PDGFA: variants seen among roughly 807,000 people sequenced by gnomAD.
PDGFA encodes the protein platelet-derived growth factor subunit A.
In PDGFA, 9 loss-of-function variants were observed where a neutral mutation model predicts 25.6. That is an observed-to-expected ratio of 0.35 (90% CI 0.21 to 0.61). The LOEUF (loss-of-function observed/expected upper bound fraction) is 0.61. Ranked by LOEUF, PDGFA falls within the 20% of genes least tolerant of loss-of-function variation. The pLI is 0.75. For synonymous variants in PDGFA, 133 were observed against 111.8 expected (o/e 1.19, Z -1.20); for missense variants, 242 against 272.8 (o/e 0.89, Z 0.79).
chr7:518,877 G>A, intron 1 of PDGFA, 62 bp downstream of exon 1: 3 of 1,174,982 alleles, frequency 2.6e-6, no homozygotes, highest in East Asian at 5.5e-5. Context: ...TGGCGCCCCA[G>A]CCGGCGGGGG....
Position 517,367 on chromosome 7 carries a change from C to CGCGCGGGGAGG in PDGFA, c.160+26_160+27insCCTCCCCGCGC. ...AGGCCGCCCGCCCGCGCCCTCCCCG[C>CGCGCGGGGAGG]GCGCGGAGGGAAGGGGCGCGATTTA... On this transcript the variant is annotated intron_variant, in intron 2 of 5. Transcript: ENST00000402802. This position sits in a 1 kb window ranked among gnomAD's most constrained non-coding sequence, Gnocchi z 7.4. The CGCGCGGGGAGG allele has an allele frequency of 1.7e-6, 2 of 1,211,420 alleles. No individual in the cohort carries two copies. Among genetic ancestry groups the CGCGCGGGGAGG allele is most frequent in the Non-Finnish European group, 2.2e-6 (2 of 919,112 alleles). The allele number at this position is 1,211,420 out of a possible 1,614,324, so 75.0% of individuals were successfully genotyped here.
chr7:501,373 T>TCCCC, intron 4 of PDGFA, 131 bp from the exon 5 acceptor site: 2 of 1,093,014 alleles, frequency 1.8e-6, no homozygotes, highest in Non-Finnish European at 2.7e-6. Context: ...CCAGAAACAC[T>TCCCC]ACCTTGTGGT....
At chr7:518,350 G>C (rs1345335265) in intron 1 of PDGFA, 1 of 152,762 alleles carries the variant, frequency 6.5e-6, no homozygotes, top group African/African-American at 2.4e-5. Context: ...ATGGGGATGG[G>C]GGGGCGGGGA....
At chr7:511,916 G>A (rs1011261223) in intron 3 of PDGFA, among the ~76,000 whole-genome samples, 14 of 152,312 alleles carry the variant, frequency 9.2e-5, no homozygotes, top group African/African-American at 1.7e-4. Context: ...GGCAGCCGCC[G>A]GACACAGCAC....
At chr7:514,234 C>T (rs993519306) in intron 2 of PDGFA, among the ~76,000 whole-genome samples, 1 of 152,198 alleles carries the variant, frequency 6.6e-6, no homozygotes, top group Non-Finnish European at 1.5e-5. Context: ...TATAACAGGA[C>T]CAGAAGTGGC....
chr7:503,225 C>A (rs1406819201), intron 4 of PDGFA, among the ~76,000 whole-genome samples: 3 of 152,218 alleles, frequency 2.0e-5, no homozygotes, highest in Non-Finnish European at 2.9e-5. Flanking sequence ...GGAATAGCCA[C>A]CACCTTCCTG....
chr7:511,995 G>A (rs1030759520), intron 3 of PDGFA, among the ~76,000 whole-genome samples: 7 of 152,222 alleles, frequency 4.6e-5, no homozygotes, highest in Admixed American at 3.3e-4. Flanking sequence ...GAAATTAGGC[G>A]CGACCACGTT....
At chr7:519,228 C>A in exon 1 of PDGFA, 1 of 366,902 alleles carries the variant, frequency 2.7e-6, no homozygotes, top group South Asian at 7.1e-5. Flanking sequence ...TGCGCGCCCG[C>A]AGCGCGGGGA....
At chr7:502,884 C>A (rs1401272340) in intron 4 of PDGFA, among the ~76,000 whole-genome samples, 1 of 152,054 alleles carries the variant, frequency 6.6e-6, no homozygotes, top group Non-Finnish European at 1.5e-5. Flanking sequence ...CACACACATA[C>A]CCTGTCATGG....
rs529732667 is a variant in PDGFA, at chr7:500,321, G to A, written c.580+795C>T. ...GCAGACACCATCAAGGCCAATCAGGGCCACATCCCCGCCGCACCCGGCGAG... is the reference window on the plus strand; with the variant it reads ...GCAGACACCATCAAGGCCAATCAGGACCACATCCCCGCCGCACCCGGCGAG... On this transcript the variant is annotated intron_variant, in intron 5 of 5. Transcript: ENST00000402802. The surrounding 1 kb of genome is among the most constrained non-coding windows in gnomAD (Gnocchi z 5.0). 5.2e-5 allele frequency: 63 copies of A among 1,220,190 alleles called. No homozygotes were observed. The highest frequency in any genetic ancestry group is 6.7e-5 in the Non-Finnish European group (57 of 844,674). 75.6% of individuals were successfully genotyped at this position (1,220,190 alleles called of 1,614,324 possible). A position where few individuals can be genotyped will look rare whatever the true frequency, so the allele number is the denominator to read the frequency against.
intron 4 of PDGFA, among the ~76,000 whole-genome samples, chr7:508,590 T>TAAAAAAC (rs1275774675): frequency 2.1e-4 from 28 of 130,910 alleles, no homozygotes; most frequent in Non-Finnish European, 3.2e-4. Flanking sequence ...AAAAAAAAAT[T>TAAAAAAC]CTCAGCTGAG....
chr7:516,320 G>T (rs1783099172), intron 2 of PDGFA, among the ~76,000 whole-genome samples: 1 of 151,764 alleles, frequency 6.6e-6, no homozygotes, highest in African/African-American at 2.4e-5. Flanking sequence ...AATAGTTCAG[G>T]CCTCTCCACC....
upstream of PDGFA, chr7:520,100 C>T (rs767083648): frequency 5.1e-6 from 2 of 393,844 alleles, no homozygotes; most frequent in South Asian, 1.7e-5. Flanking sequence ...CGCGCCCCTC[C>T]CTCGAGCTTG....
intron 4 of PDGFA, among the ~76,000 whole-genome samples, chr7:509,098 C>G (rs1782690547): frequency 1.3e-5 from 2 of 152,190 alleles, no homozygotes; most frequent in Non-Finnish European, 2.9e-5. Context: ...CAGCCATGAG[C>G]CCCAGGGCCT....
At chr7:511,482 C>G (rs887032550) in intron 3 of PDGFA, among the ~76,000 whole-genome samples, 3 of 151,576 alleles carry the variant, frequency 2.0e-5, no homozygotes, top group Non-Finnish European at 4.4e-5. Context: ...CTCTAGCCTT[C>G]AAAAGTGGTC....
At chr7:513,645 C>G (rs774610763) in intron 2 of PDGFA, among the ~76,000 whole-genome samples, 1 of 152,174 alleles carries the variant, frequency 6.6e-6, no homozygotes, top group East Asian at 1.9e-4. Flanking sequence ...GGTCACCAAT[C>G]CAGACGGCTA....
chr7:511,240 A>G (rs1782818006), intron 3 of PDGFA, among the ~76,000 whole-genome samples: 1 of 127,306 alleles, frequency 7.9e-6, no homozygotes, highest in South Asian at 3.1e-4. Context: ...AGGTGGGGCC[A>G]GTGGCTCGGA....
At chr7:518,825 C>T in intron 1 of PDGFA, 114 bp downstream of exon 1, 2 of 595,086 alleles carry the variant, frequency 3.4e-6, no homozygotes, top group Non-Finnish European at 5.5e-6. Context: ...ATCTAAACAT[C>T]GACCACCCTG....
chr7:513,051 C>T (rs1256785599), intron 2 of PDGFA: 1 of 177,928 alleles, frequency 5.6e-6, no homozygotes, highest in Non-Finnish European at 1.2e-5. Flanking sequence ...CCCACTCATT[C>T]CTGAAATGAG....
Sources: allele counts gnomAD v4.1 joint callset (sites outside exome capture counted in the v4.1 genomes callset), GRCh38; gene constraint gnomAD v4.1.1; non-coding constraint Gnocchi (gnomAD v3.1); transcripts MANE v1.5; gene names NCBI Gene and HGNC (gene_info 2026-07-23, HGNC 2026-07-21).